GALNT1: variants seen among roughly 807,000 people sequenced by gnomAD.
GALNT1 encodes polypeptide N-acetylgalactosaminyltransferase 1.
GALNT1 carries 17 observed loss-of-function variants against 65.7 expected under a neutral mutation model. That is an observed-to-expected ratio of 0.26 (90% CI 0.18 to 0.39). The LOEUF is 0.39. Ranked by LOEUF, GALNT1 falls within the 10% of genes least tolerant of loss-of-function variation. The pLI, the probability that GALNT1 is intolerant of heterozygous loss-of-function variation, is 1.00. For synonymous variants in GALNT1, 210 were observed against 219.7 expected (o/e 0.96, Z 0.39); for missense variants, 460 against 672.8 (o/e 0.68, Z 3.50).
chr18:35,633,969 C>T (rs2047056297), intron 1 of GALNT1, among the ~76,000 whole-genome samples: 1 of 152,098 alleles, frequency 6.6e-6, no homozygotes, highest in South Asian at 2.1e-4. Flanking sequence ...ATTCCCAGAG[C>T]CATTGCTGAA....
chr18:35,619,673 A>G (rs891967048), intron 1 of GALNT1, among the ~76,000 whole-genome samples: 5 of 152,218 alleles, frequency 3.3e-5, no homozygotes, highest in Admixed American at 1.3e-4. Context: ...TGGCAGTGGC[A>G]GTACTGATGA....
chr18:35,707,418 G>C (rs2048281100), intron 11 of GALNT1, among the ~76,000 whole-genome samples: 1 of 152,182 alleles, frequency 6.6e-6, no homozygotes, highest in Non-Finnish European at 1.5e-5. Flanking sequence ...CCTCTGAGGA[G>C]TGCTGTGATG....
At chr18:35,642,578 T>C (rs2047178738) in intron 1 of GALNT1, among the ~76,000 whole-genome samples, 1 of 152,174 alleles carries the variant, frequency 6.6e-6, no homozygotes, top group South Asian at 2.1e-4. Context: ...TGTGATCATT[T>C]ATTTCCGTGA....
intron 1 of GALNT1, among the ~76,000 whole-genome samples, chr18:35,613,929 AC>A (rs2046750643): frequency 6.6e-6 from 1 of 152,164 alleles, no homozygotes; most frequent in Non-Finnish European, 1.5e-5. Flanking sequence ...CAGTCTCAGG[AC>A]TGAGAATCAA....
intron 1 of GALNT1, among the ~76,000 whole-genome samples, chr18:35,602,264 G>T (rs1259838826): frequency 6.6e-6 from 1 of 152,092 alleles, no homozygotes; most frequent in Non-Finnish European, 1.5e-5. Context: ...CATGTCATTT[G>T]CTTCTTTTTT....
chr18:35,590,712 G>T (rs560731851), intron 1 of GALNT1, among the ~76,000 whole-genome samples: 204 of 152,062 alleles, frequency 1.3e-3, no homozygotes, highest in Non-Finnish European at 2.2e-3. Flanking sequence ...ACTCTCATTT[G>T]TCCATTCCTA....
At chr18:35,594,356 G>A (rs1203779503) in intron 1 of GALNT1, among the ~76,000 whole-genome samples, 1 of 152,172 alleles carries the variant, frequency 6.6e-6, no homozygotes, top group Non-Finnish European at 1.5e-5. Context: ...GTCTGATGAG[G>A]TGGGATTTCT....
rs551316307 is a variant in GALNT1, at chr18:35,710,176, T to G, written c.*406T>G. 1 of 158,076 alleles carries G rather than the reference T, an allele frequency of 6.3e-6. No individual in the cohort carries two copies. The highest frequency in any genetic ancestry group is 1.8e-4 in the East Asian group (1 of 5,498). 9.8% of individuals were successfully genotyped at this position (158,076 alleles called of 1,614,324 possible). ...AAGAGATTTCCAAGATTTTTTTTCC[T>G]GATTAGAACTGGTAGCCAGTATATT... is the stretch of plus-strand genomic sequence containing the variant. On this transcript the variant is annotated 3_prime_UTR_variant, in exon 12 of 12. Coordinates refer to ENST00000269195, the MANE Select transcript of GALNT1 (RefSeq NM_020474.4).
chr18:35,587,289 C>T (rs969358331), intron 1 of GALNT1, among the ~76,000 whole-genome samples: 2 of 152,164 alleles, frequency 1.3e-5, no homozygotes, highest in African/African-American at 4.8e-5. Context: ...TACCATGTTA[C>T]CTGCAAAGAG....
Position 35,689,384 on chromosome 18 carries a change from GAATTT to G in GALNT1, c.978+98_978+102del. Reference sequence around the variant, plus strand: ...TATCTCTACATAAAAAATAAAAATTGAATTTAATACAAGTTTAATGTAACTTCAGA... The same window carrying G: ...TATCTCTACATAAAAAATAAAAATTGAATACAAGTTTAATGTAACTTCAGA... On this transcript the variant is annotated intron_variant, in intron 7 of 11. Coordinates refer to ENST00000269195, the MANE Select transcript of GALNT1 (RefSeq NM_020474.4). 1.2e-5 allele frequency: 9 copies of G among 746,846 alleles called. No individual in the cohort carries two copies. In the South Asian group the frequency reaches 1.5e-4, roughly 13 times the overall value. 46.3% of individuals were successfully genotyped at this position (746,846 alleles called of 1,614,324 possible). A position where few individuals can be genotyped will look rare whatever the true frequency, so the allele number is the denominator to read the frequency against.
chr18:35,611,057 G>T (rs966235240), intron 1 of GALNT1, among the ~76,000 whole-genome samples: 27 of 152,022 alleles, frequency 1.8e-4, no homozygotes, highest in African/African-American at 6.0e-4. Context: ...AGTTGGATAG[G>T]GTGGGGGTCT....
At chr18:35,669,931 T>C (rs2047607111) in intron 3 of GALNT1, among the ~76,000 whole-genome samples, 1 of 152,236 alleles carries the variant, frequency 6.6e-6, no homozygotes, top group Admixed American at 6.5e-5. Context: ...ATTAAAATTT[T>C]ATTATTTGCA....
chr18:35,691,778 C>T (rs1053290194), intron 8 of GALNT1, among the ~76,000 whole-genome samples: 3 of 152,158 alleles, frequency 2.0e-5, no homozygotes, highest in African/African-American at 7.2e-5. Flanking sequence ...CTAGTCCATC[C>T]TTATTTTTTA....
At chr18:35,634,530 G>C (rs1484469721) in intron 1 of GALNT1, among the ~76,000 whole-genome samples, 1 of 152,120 alleles carries the variant, frequency 6.6e-6, no homozygotes, top group Non-Finnish European at 1.5e-5. Flanking sequence ...GCTTCCAAGA[G>C]TCCTCTCCCT....
chr18:35,690,150 G>C (rs754528868), intron 7 of GALNT1, among the ~76,000 whole-genome samples: 6 of 152,176 alleles, frequency 3.9e-5, no homozygotes, highest in African/African-American at 7.2e-5. Flanking sequence ...TATTTTGAAA[G>C]AAACAGAAGG....
chr18:35,652,909 C>A (rs547578793), intron 1 of GALNT1, among the ~76,000 whole-genome samples: 1 of 152,280 alleles, frequency 6.6e-6, no homozygotes, highest in Admixed American at 6.5e-5. Context: ...ACCGTAAAAC[C>A]ACATTTGAAA....
chr18:35,669,787 T>A (rs2047604928), intron 3 of GALNT1, among the ~76,000 whole-genome samples: 1 of 152,218 alleles, frequency 6.6e-6, no homozygotes, highest in African/African-American at 2.4e-5. Context: ...CACAGATGCC[T>A]GTTAACACCA....
chr18:35,625,348 G>A (rs527395629), intron 1 of GALNT1, among the ~76,000 whole-genome samples: 33 of 152,112 alleles, frequency 2.2e-4, no homozygotes, highest in Non-Finnish European at 2.9e-4. Context: ...AGACTTCAAA[G>A]CATGGTCAGA....
At chr18:35,638,701 A>G (rs920421365) in intron 1 of GALNT1, among the ~76,000 whole-genome samples, 2 of 152,190 alleles carry the variant, frequency 1.3e-5, no homozygotes, top group Non-Finnish European at 2.9e-5. Flanking sequence ...TTCCCACCAC[A>G]GTGACCAATC....
Sources: gnomAD v4.1 joint callset for allele counts (sites outside exome capture counted in the v4.1 genomes callset) on GRCh38, gnomAD v4.1.1 for gene constraint, MANE v1.5 for transcripts, NCBI Gene and HGNC (gene_info 2026-07-23, HGNC 2026-07-21) for gene names.